BAZ1B: variants seen among roughly 807,000 people sequenced by gnomAD.
The protein encoded by BAZ1B is tyrosine-protein kinase BAZ1B.
In BAZ1B, 22 loss-of-function variants were observed where a neutral mutation model predicts 153.8. The ratio of observed to expected loss-of-function variants is 0.14; its 90% CI spans 0.10 to 0.20. The LOEUF (loss-of-function observed/expected upper bound fraction) is 0.20. BAZ1B is among the 10% of genes least tolerant of loss of function. The probability of loss-of-function intolerance (pLI) is 1.00; values close to 1 mark genes in which losing one functional copy is unlikely to be tolerated. For synonymous variants in BAZ1B, 676 were observed against 633.4 expected (o/e 1.07, Z -1.01); for missense variants, 1,325 against 1,799.3 (o/e 0.74, Z 4.77).
chr7:73,518,594 T>C (rs950144762), intron 1 of BAZ1B, among the ~76,000 whole-genome samples: 15 of 152,116 alleles, frequency 9.9e-5, no homozygotes, highest in Non-Finnish European at 1.0e-4. Context: ...TAGTCCCAGC[T>C]ACTCTGGAGG....
At chr7:73,468,868 C>T (rs1489942598) in intron 9 of BAZ1B, among the ~76,000 whole-genome samples, 1 of 152,144 alleles carries the variant, frequency 6.6e-6, no homozygotes, top group Admixed American at 6.5e-5. Flanking sequence ...GTGGCTCACA[C>T]TTGTAATCCC....
intron 16 of BAZ1B, among the ~76,000 whole-genome samples, chr7:73,445,763 G>A (rs994483844): frequency 1.3e-5 from 2 of 152,224 alleles, no homozygotes; most frequent in African/African-American, 4.8e-5. Context: ...AGGAGGCTGA[G>A]GTAAGGAGGA....
intron 13 of BAZ1B, among the ~76,000 whole-genome samples, chr7:73,458,138 A>G (rs1413390432): frequency 1.3e-5 from 2 of 152,232 alleles, no homozygotes; most frequent in African/African-American, 4.8e-5. Flanking sequence ...TGAAGTGAGA[A>G]TAGTCTCGTG....
intron 5 of BAZ1B, 114 bp downstream of exon 5, chr7:73,492,686 T>C: frequency 1.9e-6 from 2 of 1,053,808 alleles, no homozygotes; most frequent in South Asian, 3.7e-5. Context: ...CCACTCAGAA[T>C]CTGCTGTACA....
chr7:73,467,176 G>A (rs1410204226), intron 9 of BAZ1B, among the ~76,000 whole-genome samples: 2 of 151,658 alleles, frequency 1.3e-5, no homozygotes, highest in East Asian at 2.0e-4. Flanking sequence ...CAGGTGATCC[G>A]CCCGCCTTGG....
intron 15 of BAZ1B, among the ~76,000 whole-genome samples, chr7:73,448,496 T>C (rs1276572563): frequency 2.0e-5 from 3 of 152,206 alleles, no homozygotes; most frequent in African/African-American, 7.2e-5. Flanking sequence ...CATAATCTCA[T>C]GGGAGACAGA....
chr7:73,508,385 T>C lies in BAZ1B; in HGVS notation c.311A>G (p.Asp104Gly), dbSNP rs1247168443. 6.2e-7 allele frequency: 1 copy of C among 1,613,872 alleles called. No individual in the cohort carries two copies. The highest frequency in any genetic ancestry group is 8.5e-7 in the Non-Finnish European group (1 of 1,179,966). Residue 104 changes from aspartate to glycine, a missense_variant, in exon 3 of 20, where the codon GAT becomes GGT. Asp to Gly is a moderately conservative substitution (Grantham distance 94). This residue lies in a region of BAZ1B where 153 missense variants were observed against 204.8 expected (regional missense o/e 0.75). Transcript: ENST00000339594. Reference sequence around the variant, plus strand: ...GGTCATGATCTCCAACCAAGCAGTATCTACTAACTTCTCTAAGGAGGCTGT... The same window carrying C: ...GGTCATGATCTCCAACCAAGCAGTACCTACTAACTTCTCTAAGGAGGCTGT... The part of the protein sequence containing the change: ...HNTASLEKLV[D>G]TAWLEIMTKY...
chr7:73,444,177 G>A, intron 16 of BAZ1B, 48 bp from the exon 17 acceptor site: 1 of 1,519,872 alleles, frequency 6.6e-7, no homozygotes, highest in South Asian at 1.3e-5. Context: ...AAGGTGAAGG[G>A]AGGAGCATCT....
chr7:73,494,583 C>T (rs1347460678), intron 4 of BAZ1B, among the ~76,000 whole-genome samples: 9 of 151,590 alleles, frequency 5.9e-5, no homozygotes, highest in African/African-American at 1.9e-4. Flanking sequence ...TGTCTCTAAA[C>T]AAACAAACAA....
At chr7:73,452,412 T>A (rs188894799) in intron 13 of BAZ1B, among the ~76,000 whole-genome samples, 22 of 152,270 alleles carry the variant, frequency 1.4e-4, no homozygotes, top group Non-Finnish European at 2.6e-4. Flanking sequence ...AACCTATGAC[T>A]TCACAATGGT....
Position 73,442,736 on chromosome 7 carries a change from G to A in BAZ1B, c.4083C>T (p.Ser1361=), listed in dbSNP as rs201581330. The change falls in exon 18 of 20, where the codon AGC becomes AGT. Residue 1361 remains serine (S), a synonymous_variant. Coordinates refer to ENST00000339594, the MANE Select transcript of BAZ1B (RefSeq NM_032408.4). The part of the protein sequence containing the change: ...ILHKIVKYRF[S]WPFREPVTRD... The stretch of plus-strand genomic sequence containing the variant: ...AACACAGCACTCACCTGAAGGGCCA[G>A]CTGAAGCGGTACTTCACGATCTTGT... 4.8e-5 allele frequency: 77 copies of A among 1,614,038 alleles called. No homozygotes were observed. The highest frequency in any genetic ancestry group is 3.8e-4 in the Admixed American group (23 of 60,024).
chr7:73,513,267 T>C (rs1554578832), intron 1 of BAZ1B, among the ~76,000 whole-genome samples: 1 of 152,166 alleles, frequency 6.6e-6, no homozygotes, highest in East Asian at 1.9e-4. Context: ...GTTTAATAAA[T>C]ATAGATGCTT....
At chr7:73,481,117 G>A (rs1408507429) in intron 6 of BAZ1B, among the ~76,000 whole-genome samples, 1 of 152,162 alleles carries the variant, frequency 6.6e-6, no homozygotes, top group East Asian at 2.0e-4. Context: ...AGTACAGACA[G>A]GGTTTCACTA....
chr7:73,512,255 A>C (rs1476388221), intron 1 of BAZ1B, among the ~76,000 whole-genome samples: 1 of 151,186 alleles, frequency 6.6e-6, no homozygotes, highest in Non-Finnish European at 1.5e-5. Context: ...ACAGCCCAAC[A>C]CAAGTTCATA....
intron 13 of BAZ1B, among the ~76,000 whole-genome samples, chr7:73,454,954 C>G (rs1788139353): frequency 6.6e-6 from 1 of 152,046 alleles, no homozygotes. Context: ...CTCCCGGGCT[C>G]AAGTGATTCT....
intron 1 of BAZ1B, among the ~76,000 whole-genome samples, chr7:73,511,064 C>G (rs1417885490): frequency 6.6e-6 from 1 of 151,950 alleles, no homozygotes; most frequent in Non-Finnish European, 1.5e-5. Flanking sequence ...GAGGTCAGAT[C>G]GAGACCAGCC....
At chr7:73,500,292 C>A (rs1460479612) in intron 3 of BAZ1B, among the ~76,000 whole-genome samples, 1 of 152,116 alleles carries the variant, frequency 6.6e-6, no homozygotes, top group Non-Finnish European at 1.5e-5. Context: ...AGTCCCAGCA[C>A]TTTGGGAGGC....
chr7:73,507,230 T>C (rs1790380772), intron 3 of BAZ1B: 2 of 152,052 alleles, frequency 1.3e-5, no homozygotes, highest in East Asian at 1.9e-4. Context: ...TCAGCACATA[T>C]AATGAAACTG....
intron 18 of BAZ1B, 31 bp downstream of exon 18, chr7:73,442,694 T>A (rs782113439): frequency 6.2e-7 from 1 of 1,604,854 alleles, no homozygotes; most frequent in Non-Finnish European, 8.5e-7. Context: ...AGGCCACTCC[T>A]CTCCCCTGCA....
Sources: gnomAD v4.1 joint callset for allele counts (sites outside exome capture counted in the v4.1 genomes callset) on GRCh38, gnomAD v4.1.1 for gene constraint, gnomAD v4.1.1 regional missense constraint, MANE v1.5 for transcripts, NCBI Gene and HGNC (gene_info 2026-07-23, HGNC 2026-07-21) for gene names.